CEP112: variants seen among roughly 807,000 people sequenced by gnomAD.
CEP112 encodes centrosomal protein of 112 kDa.
Under a neutral mutation model 153.0 loss-of-function variants are expected in CEP112, and 127 were observed. That is an observed-to-expected ratio of 0.83 (90% CI 0.72 to 0.96). CEP112 has a LOEUF of 0.96. Among genes scored for constraint, CEP112 ranks in the 40% least tolerant of loss-of-function variants. The pLI is 0.00. For synonymous variants in CEP112, 358 were observed against 374.4 expected (o/e 0.96, Z 0.51); for missense variants, 1,089 against 1,101.2 (o/e 0.99, Z 0.16).
At chr17:65,649,916 C>T (rs1598192914) in intron 24 of CEP112, among the ~76,000 whole-genome samples, 2 of 152,188 alleles carry the variant, frequency 1.3e-5, no homozygotes, top group African/African-American at 4.8e-5. Context: ...TGGATGACTG[C>T]AATATTGGTA....
At chr17:65,641,147 T>C in intron 24 of CEP112, 82 bp from the exon 25 acceptor site, 1 of 751,390 alleles carries the variant, frequency 1.3e-6, no homozygotes. Flanking sequence ...AACAGATCTG[T>C]TCATCACAAT....
At chr17:65,776,154 C>T (rs1446236680) in intron 21 of CEP112, among the ~76,000 whole-genome samples, 1 of 152,220 alleles carries the variant, frequency 6.6e-6, no homozygotes, top group Non-Finnish European at 1.5e-5. Flanking sequence ...ACCTCCATCT[C>T]TATGCCACCC....
intron 17 of CEP112, among the ~76,000 whole-genome samples, chr17:65,971,493 T>C (rs1158951580): frequency 2.0e-5 from 3 of 151,214 alleles, no homozygotes; most frequent in East Asian, 3.9e-4. Flanking sequence ...GACATGAATG[T>C]CATACATATC....
intron 23 of CEP112, among the ~76,000 whole-genome samples, chr17:65,718,054 G>A (rs772434127): frequency 1.3e-5 from 2 of 152,110 alleles, no homozygotes; most frequent in Non-Finnish European, 2.9e-5. Context: ...GCATAAAAGT[G>A]AAATTTTGCT....
Position 65,641,009 on chromosome 17 carries a change from G to T in CEP112, c.2754C>A (p.Ser918=), listed in dbSNP as rs1230891191. The change falls in exon 25 of 27, where the codon TCC becomes TCA. Residue 918 remains serine (S), a synonymous_variant. Coordinates refer to ENST00000535342, the MANE Select transcript of CEP112 (RefSeq NM_001199165.4). ...ETKLKGLMPA[S]LRQELEDTIS... ...TGGTGTCTTCAAGTTCTTGTCTTAG[G>T]GATGCTGGCATCAATCCTTTCAATT... 10 of 1,611,640 alleles carry T rather than the reference G, an allele frequency of 6.2e-6. No homozygotes were observed. The highest frequency in any genetic ancestry group is 1.3e-5 in the African/African-American group (1 of 74,966).
At chr17:65,817,044 G>A (rs958300536) in intron 21 of CEP112, among the ~76,000 whole-genome samples, 2 of 151,900 alleles carry the variant, frequency 1.3e-5, no homozygotes, top group African/African-American at 4.8e-5. Flanking sequence ...ATAAGTATCT[G>A]TGAAAGCAAA....
At chr17:66,036,658 G>A (rs1035483556) in intron 12 of CEP112, among the ~76,000 whole-genome samples, 5 of 152,028 alleles carry the variant, frequency 3.3e-5, no homozygotes, top group Non-Finnish European at 5.9e-5. Context: ...ATTGATTAAC[G>A]TGGCCACAGT....
intron 21 of CEP112, among the ~76,000 whole-genome samples, chr17:65,805,948 T>C (rs958694166): frequency 5.3e-5 from 8 of 152,216 alleles, no homozygotes; most frequent in African/African-American, 1.9e-4. Flanking sequence ...TAAGCTGCAT[T>C]ATGGATCCAT....
At chr17:66,047,874 T>C (rs1354809359) in intron 12 of CEP112, among the ~76,000 whole-genome samples, 1 of 152,142 alleles carries the variant, frequency 6.6e-6, no homozygotes, top group Non-Finnish European at 1.5e-5. Flanking sequence ...TCCCTTGCCA[T>C]CTGTGGGAAA....
chr17:65,742,538 G>T (rs1447891649), intron 23 of CEP112, among the ~76,000 whole-genome samples: 3 of 152,166 alleles, frequency 2.0e-5, no homozygotes, highest in Non-Finnish European at 2.9e-5. Context: ...GCTATTAAGG[G>T]TGTGATTCTC....
At chr17:65,915,609 C>A (rs555499102) in intron 19 of CEP112, among the ~76,000 whole-genome samples, 1 of 151,954 alleles carries the variant, frequency 6.6e-6, no homozygotes, top group South Asian at 2.1e-4. Flanking sequence ...CATAGTGAAA[C>A]CCTGTCTCTG....
intron 12 of CEP112, among the ~76,000 whole-genome samples, chr17:66,031,485 T>C (rs1183099564): frequency 1.9e-4 from 4 of 20,828 alleles, no homozygotes; most frequent in Non-Finnish European, 4.7e-4. Context: ...TTTTTTTTTT[T>C]GTTTTTTTTT....
intron 24 of CEP112, among the ~76,000 whole-genome samples, chr17:65,667,809 C>T (rs2046770539): frequency 6.6e-6 from 1 of 151,992 alleles, no homozygotes; most frequent in Non-Finnish European, 1.5e-5. Flanking sequence ...CACAGCAGGA[C>T]CCATGGAAGC....
chr17:65,682,492 A>G (rs1305693014), intron 24 of CEP112, among the ~76,000 whole-genome samples: 1 of 152,124 alleles, frequency 6.6e-6, no homozygotes, highest in Non-Finnish European at 1.5e-5. Flanking sequence ...TCAGTCATCT[A>G]GCACTCCCCA....
intron 23 of CEP112, among the ~76,000 whole-genome samples, chr17:65,721,116 A>T (rs1395880307): frequency 2.0e-5 from 3 of 146,600 alleles, no homozygotes; most frequent in Admixed American, 7.1e-5. Flanking sequence ...GGTTCATGCC[A>T]TTCTCCTGCC....
At chr17:65,896,264 T>C (rs1195573657) in intron 20 of CEP112, among the ~76,000 whole-genome samples, 2 of 152,072 alleles carry the variant, frequency 1.3e-5, no homozygotes, top group African/African-American at 4.8e-5. Context: ...ATCATTTTTC[T>C]TGCCTCATCT....
At position 65,716,950 on chromosome 17, in the gene CEP112, A is replaced by G. The variant is rs189674402; in HGVS notation, c.2607+26118T>C. Among the ~76,000 whole-genome samples, 4 of 152,320 alleles carry G rather than the reference A, an allele frequency of 2.6e-5. No individual in the cohort carries two copies. The East Asian group carries it at 7.7e-4, about 29-fold the overall frequency. ...TTTCCTGACTACAGGTCTGGATTCT[A>G]GAAATCATTTATTATTGCCATCCCC... On this transcript the variant is annotated intron_variant, in intron 23 of 26. Transcript: ENST00000535342.
chr17:65,811,599 C>T (rs984725635), intron 21 of CEP112, among the ~76,000 whole-genome samples: 2 of 152,110 alleles, frequency 1.3e-5, no homozygotes, highest in African/African-American at 4.8e-5. Flanking sequence ...TGGGCTAATC[C>T]ATCCAACATC....
intron 21 of CEP112, among the ~76,000 whole-genome samples, chr17:65,823,247 G>C (rs1261332057): frequency 6.6e-6 from 1 of 152,056 alleles, no homozygotes; most frequent in Non-Finnish European, 1.5e-5. Flanking sequence ...AAAAAGATCA[G>C]TGTTGGACAA....
Sources: allele counts gnomAD v4.1 joint callset (sites outside exome capture counted in the v4.1 genomes callset), GRCh38; gene constraint gnomAD v4.1.1; transcripts MANE v1.5; gene names NCBI Gene and HGNC (gene_info 2026-07-23, HGNC 2026-07-21).